Variants in COMMD2 observed in about 807,000 individuals in gnomAD.
The protein encoded by COMMD2 is COMM domain-containing protein 2.
In COMMD2, 25 loss-of-function variants were observed where a neutral mutation model predicts 22.5. The ratio of observed to expected loss-of-function variants is 1.11; its 90% confidence interval spans 0.81 to 1.55. The LOEUF (loss-of-function observed/expected upper bound fraction) is 1.55, where lower values mean the gene tolerates loss of function less well. Among genes scored for constraint, COMMD2 ranks in the 40% most tolerant of loss-of-function variants. COMMD2 has a pLI of 0.00. For missense variants in COMMD2, 223 were observed against 232.9 expected, an observed-to-expected ratio of 0.96 and a Z score of 0.28; for synonymous variants, 98 against 91.2, an observed-to-expected ratio of 1.07 and a Z score of -0.42.
chr3:149,741,535 G>A lies in COMMD2; in HGVS notation c.586C>T (p.Arg196Cys), dbSNP rs779093793. 2.3e-5 allele frequency: 37 copies of A among 1,613,494 alleles called. No individual in the cohort carries two copies. In the African/African-American group the frequency reaches 2.7e-4, roughly 12 times the overall value. The change falls in exon 5 of 5, where the codon CGC becomes TGC. Residue 196 changes from arginine to cysteine, a missense_variant. By Grantham distance (180) the Arg-to-Cys change is radical (BLOSUM62 -3). Transcript: ENST00000473414. ...TAAAACTGGTACTACTTGATGTTGC[G>A]AACAACTCTCCTACAGTGATTTGTC... Reference protein sequence around the residue: ...MKTNHCRRVVRNIK With the variant: ...MKTNHCRRVVCNIK
chr3:149,746,221 C>T (rs2108250696), intron 4 of COMMD2, among the ~76,000 whole-genome samples: 1 of 152,044 alleles, frequency 6.6e-6, no homozygotes, highest in South Asian at 2.1e-4. Context: ...TGTGAAATTT[C>T]CTACTTTTTT....
At chr3:149,750,913 A>T (rs1388105217) in intron 3 of COMMD2, 62 bp from the exon 4 acceptor site, 12 of 1,111,024 alleles carry the variant, frequency 1.1e-5, no homozygotes, top group African/African-American at 7.8e-5. Flanking sequence ...AATAATTGAA[A>T]TACACAAAAG....
chr3:149,750,604 G>C (rs1434387829), intron 4 of COMMD2, 74 bp downstream of exon 4: 3 of 1,087,740 alleles, frequency 2.8e-6, no homozygotes, highest in Non-Finnish European at 3.9e-6. Context: ...AGGTGGTAAA[G>C]AATACAATAA....
At chr3:149,749,807 G>GT (rs778680291) in intron 4 of COMMD2, among the ~76,000 whole-genome samples, 2 of 151,946 alleles carry the variant, frequency 1.3e-5, no homozygotes, top group African/African-American at 4.8e-5. Context: ...TGTTGTTGTT[G>GT]TTTTTGTTTT....
rs1055255274 is a variant in COMMD2, at chr3:149,741,071, T to C, written c.*450A>G. Reference sequence around the variant, plus strand: ...TTTTATTTTTACTTTATTATTATTATTATTATTTTTGAGATGGAGTCTCAC... The same window carrying C: ...TTTTATTTTTACTTTATTATTATTACTATTATTTTTGAGATGGAGTCTCAC... On this transcript the variant is annotated 3_prime_UTR_variant, in exon 5 of 5. Coordinates refer to ENST00000473414, the MANE Select transcript of COMMD2 (RefSeq NM_016094.4). 2.0e-5 allele frequency: 3 copies of C among 152,396 alleles called. No homozygotes were observed. Among genetic ancestry groups the C allele is most frequent in the African/African-American group, 7.2e-5 (3 of 41,390 alleles). 9.4% of individuals were successfully genotyped at this position (152,396 alleles called of 1,614,324 possible).
chr3:149,751,156 A>G (rs1216413296), intron 3 of COMMD2, among the ~76,000 whole-genome samples: 1 of 152,210 alleles, frequency 6.6e-6, no homozygotes, highest in African/African-American at 2.4e-5. Flanking sequence ...TCTTCTTAAG[A>G]TACATATATG....
chr3:149,742,926 A>G (rs1276585029), intron 4 of COMMD2, among the ~76,000 whole-genome samples: 1 of 150,788 alleles, frequency 6.6e-6, no homozygotes, highest in African/African-American at 2.4e-5. Context: ...AGATCGTGCC[A>G]TTGCACTCCA....
chr3:149,744,887 C>T (rs112467176), intron 4 of COMMD2, among the ~76,000 whole-genome samples: 10 of 152,274 alleles, frequency 6.6e-5, no homozygotes, highest in African/African-American at 1.2e-4. Flanking sequence ...CTAGCAATAG[C>T]GCAGTGATTC....
At chr3:149,746,603 C>G (rs1338756222) in intron 4 of COMMD2, among the ~76,000 whole-genome samples, 3 of 137,466 alleles carry the variant, frequency 2.2e-5, no homozygotes, top group Admixed American at 7.3e-5. Flanking sequence ...AACCCTGTCT[C>G]TACTAAAAAT....
At chr3:149,752,015 G>A (rs888365902) in intron 2 of COMMD2, 195 bp downstream of exon 2, 2 of 527,710 alleles carry the variant, frequency 3.8e-6, no homozygotes. Context: ...TGATTTAATA[G>A]AAGCTTTAAC....
In COMMD2 at chr3:149,741,010, A is replaced by C. The variant is rs547272399; in HGVS notation, c.*511T>G. The C allele has an allele frequency of 7.2e-5, 11 of 152,616 alleles. No homozygotes were observed. Among genetic ancestry groups the C allele is most frequent in the Non-Finnish European group, 1.5e-4 (10 of 68,090 alleles). The allele number at this position is 152,616 out of a possible 1,614,324, so 9.5% of individuals were successfully genotyped here. A position where few individuals can be genotyped will look rare whatever the true frequency, so the allele number is the denominator to read the frequency against. On this transcript the variant is annotated 3_prime_UTR_variant, in exon 5 of 5. Transcript: ENST00000473414. The stretch of plus-strand genomic sequence containing the variant: ...AAGAAGACCACAGTTAGCACCAGGA[A>C]AGGAACTTTACTTTAGCTTCTGATT...
At chr3:149,744,840 T>A (rs1156322582) in intron 4 of COMMD2, among the ~76,000 whole-genome samples, 2 of 152,210 alleles carry the variant, frequency 1.3e-5, no homozygotes, top group African/African-American at 2.4e-5. Flanking sequence ...GTGGCAACAT[T>A]CATTCAGTAT....
Position 149,738,707 on chromosome 3 carries a change from A to T in COMMD2, c.*2814T>A, listed in dbSNP as rs998197634. On this transcript the variant is annotated 3_prime_UTR_variant, in exon 5 of 5. Transcript: ENST00000473414. Reference sequence around the variant, plus strand: ...AACTCCGAAGACTTATCTCTTAACCACTTCATAAGATTAAAACGCTGAAGG... The same window carrying T: ...AACTCCGAAGACTTATCTCTTAACCTCTTCATAAGATTAAAACGCTGAAGG... The T allele has an allele frequency of 2.6e-5, 4 of 152,114 alleles. No homozygotes were observed. Among genetic ancestry groups the T allele is most frequent in the Non-Finnish European group, 1.5e-5 (1 of 67,984 alleles). 9.4% of individuals were successfully genotyped at this position (152,114 alleles called of 1,614,324 possible).
At chr3:149,750,421 C>T in intron 4 of COMMD2, 1 of 519,760 alleles carries the variant, frequency 1.9e-6, no homozygotes, top group South Asian at 1.6e-5. Flanking sequence ...AACATCTAGG[C>T]ACCAACCTAA....
Position 149,752,368 on chromosome 3 carries a change from G to T in COMMD2, c.67+10C>A. ...CCAGCCCACAGAACACCGCCCCCACGCCCGCTGACCCGCGCTGTCCACTTG... is the reference window on the plus strand; with the variant it reads ...CCAGCCCACAGAACACCGCCCCCACTCCCGCTGACCCGCGCTGTCCACTTG... On this transcript the variant is annotated intron_variant, in intron 1 of 4. Coordinates refer to ENST00000473414, the MANE Select transcript of COMMD2 (RefSeq NM_016094.4). The T allele has an allele frequency of 6.2e-7, 1 of 1,614,036 alleles. No homozygotes were observed. Among genetic ancestry groups the T allele is most frequent in the Non-Finnish European group, 8.5e-7 (1 of 1,179,910 alleles).
intron 4 of COMMD2, among the ~76,000 whole-genome samples, chr3:149,748,067 C>T (rs978164881): frequency 2.6e-5 from 4 of 151,144 alleles, no homozygotes; most frequent in South Asian, 4.2e-4. Flanking sequence ...AGGGAATAAT[C>T]GATTCAGTAG....
At chr3:149,751,953 T>C in intron 2 of COMMD2, 1 of 430,828 alleles carries the variant, frequency 2.3e-6, no homozygotes, top group Non-Finnish European at 4.1e-6. Context: ...AAAACACTTT[T>C]CAGTATTTCT....
In COMMD2 at chr3:149,740,701, T is replaced by A. The variant is rs1217087707; in HGVS notation, c.*820A>T. ...TGGCTATTAACACTGTGGGGTGTTT[T>A]TAAAAGTCAAAAATACTGAACTGTT... On this transcript the variant is annotated 3_prime_UTR_variant, in exon 5 of 5. Transcript: ENST00000473414. 6.6e-6 allele frequency: 1 copy of A among 152,202 alleles called. No homozygotes were observed. Among genetic ancestry groups the A allele is most frequent in the Non-Finnish European group, 1.5e-5 (1 of 68,030 alleles). The allele number at this position is 152,202 out of a possible 1,614,324, so 9.4% of individuals were successfully genotyped here.
chr3:149,741,546 C>T lies in COMMD2; in HGVS notation c.575G>A (p.Arg192Lys), dbSNP rs1390004689. ...ALEEMKTNHC[R>K]RVVRNIK ...CTACTTGATGTTGCGAACAACTCTC[C>T]TACAGTGATTTGTCTTCATCTCTTC... The change falls in exon 5 of 5, where the codon AGG becomes AAG. Residue 192 changes from arginine to lysine, a missense_variant. Physicochemically the swap from Arg to Lys is conservative, Grantham distance 26. Coordinates refer to ENST00000473414, the MANE Select transcript of COMMD2 (RefSeq NM_016094.4). 6.2e-7 allele frequency: 1 copy of T among 1,613,946 alleles called. No individual in the cohort carries two copies. Among genetic ancestry groups the T allele is most frequent in the Admixed American group, 1.7e-5 (1 of 60,006 alleles).
Sources: gnomAD v4.1 joint callset for allele counts (sites outside exome capture counted in the v4.1 genomes callset) on GRCh38, gnomAD v4.1.1 for gene constraint, MANE v1.5 for transcripts, NCBI Gene and HGNC (gene_info 2026-07-23, HGNC 2026-07-21) for gene names.